Variants in MYO1E observed in about 807,000 individuals in gnomAD.
MYO1E encodes unconventional myosin-Ie.
MYO1E carries 68 observed loss-of-function variants against 151.1 expected under a neutral mutation model. The ratio of observed to expected loss-of-function variants is 0.45; its 90% confidence interval spans 0.37 to 0.55. The LOEUF (loss-of-function observed/expected upper bound fraction) is 0.55, where lower values mean the gene tolerates loss of function less well. Among genes scored for constraint, MYO1E ranks in the 20% least tolerant of loss-of-function variants. MYO1E has a pLI of 0.00. For synonymous variants in MYO1E, 601 were observed against 501.7 expected, an observed-to-expected ratio of 1.20 and a Z score of -2.64; for missense variants, 1,363 against 1,389.3, an observed-to-expected ratio of 0.98 and a Z score of 0.30.
chr15:59,289,249 A>C (rs1223020175), intron 1 of MYO1E, among the ~76,000 whole-genome samples: 1 of 152,160 alleles, frequency 6.6e-6, no homozygotes, highest in Non-Finnish European at 1.5e-5. Context: ...CTGGGAAGAA[A>C]AATAAGGCAC....
intron 1 of MYO1E, among the ~76,000 whole-genome samples, chr15:59,319,148 C>G (rs2080608461): frequency 6.6e-6 from 1 of 151,418 alleles, no homozygotes; most frequent in Non-Finnish European, 1.5e-5. Flanking sequence ...CCATCTTTAC[C>G]AAAAATACAA....
intron 5 of MYO1E, among the ~76,000 whole-genome samples, chr15:59,233,852 A>G (rs915564258): frequency 1.1e-4 from 17 of 150,250 alleles, no homozygotes; most frequent in Non-Finnish European, 2.5e-4. Context: ...ACTGAGGTGT[A>G]ACTGTAGAAT....
chr15:59,218,089 T>A lies in MYO1E; in HGVS notation c.911-2A>T, dbSNP rs1417660498. 1 of 1,614,042 alleles carries A rather than the reference T, an allele frequency of 6.2e-7. No individual in the cohort carries two copies. ...GCAGATATGCAGGAAAAGCTAAAACTGTAGAACATAAAACAAAACATGACA... is the reference window on the plus strand; with the variant it reads ...GCAGATATGCAGGAAAAGCTAAAACAGTAGAACATAAAACAAAACATGACA... On this transcript the variant is annotated splice_acceptor_variant, in intron 9 of 27. Coordinates refer to ENST00000288235, the MANE Select transcript of MYO1E (RefSeq NM_004998.4). LOFTEE classifies it high-confidence loss of function.
intron 1 of MYO1E, among the ~76,000 whole-genome samples, chr15:59,334,459 C>A (rs957767507): frequency 7.4e-6 from 1 of 135,424 alleles, no homozygotes. Flanking sequence ...CTACTTTGTA[C>A]GCATATGTTG....
chr15:59,364,123 T>C (rs1274697034), intron 1 of MYO1E, among the ~76,000 whole-genome samples: 2 of 152,180 alleles, frequency 1.3e-5, no homozygotes, highest in African/African-American at 4.8e-5. Context: ...CATGGCAATG[T>C]CTTCTCTCCA....
chr15:59,249,329 G>A (rs1344960408), intron 4 of MYO1E, among the ~76,000 whole-genome samples: 1 of 150,854 alleles, frequency 6.6e-6, no homozygotes, highest in Non-Finnish European at 1.5e-5. Flanking sequence ...GAAGGCTGAG[G>A]CAAGAAAATC....
intron 26 of MYO1E, among the ~76,000 whole-genome samples, chr15:59,147,427 C>A (rs937960627): frequency 3.3e-5 from 5 of 151,910 alleles, no homozygotes; most frequent in African/African-American, 1.2e-4. Flanking sequence ...TGGCGAAACC[C>A]CGTCCCTACT....
intron 14 of MYO1E, chr15:59,206,602 G>A: frequency 3.7e-6 from 1 of 272,630 alleles, no homozygotes; most frequent in Non-Finnish European, 6.9e-6. Context: ...ACAGAAGCAT[G>A]TTTCCTCAGC....
intron 1 of MYO1E, among the ~76,000 whole-genome samples, chr15:59,298,537 A>G (rs2080464596): frequency 6.6e-6 from 1 of 152,194 alleles, no homozygotes; most frequent in Non-Finnish European, 1.5e-5. Context: ...GTCTGTCCAT[A>G]TGCAAAGCTG....
At chr15:59,146,766 G>C (rs2079444247) in intron 26 of MYO1E, among the ~76,000 whole-genome samples, 1 of 149,908 alleles carries the variant, frequency 6.7e-6, no homozygotes, top group African/African-American at 2.4e-5. Context: ...TTAATATATG[G>C]TTATAAAACT....
chr15:59,177,696 G>A (rs148123132), intron 19 of MYO1E, among the ~76,000 whole-genome samples: 2 of 152,332 alleles, frequency 1.3e-5, no homozygotes, highest in African/African-American at 4.8e-5. Flanking sequence ...GGGGCTCACT[G>A]ACCACACTCT....
At chr15:59,254,825 C>T (rs1391501175) in intron 4 of MYO1E, among the ~76,000 whole-genome samples, 1 of 151,520 alleles carries the variant, frequency 6.6e-6, no homozygotes, top group Non-Finnish European at 1.5e-5. Flanking sequence ...CAATAGTAAG[C>T]AGAGCTTTTT....
At chr15:59,216,681 T>TAC (rs1268512999) in intron 10 of MYO1E, among the ~76,000 whole-genome samples, 3 of 27,384 alleles carry the variant, frequency 1.1e-4, no homozygotes, top group African/African-American at 2.6e-4. Flanking sequence ...TATATATATA[T>TAC]ATATACACAT....
Position 59,178,463 on chromosome 15 carries a change from TGCA to T in MYO1E, c.1976_1978del (p.Leu659del), listed in dbSNP as rs2079638745. 2 of 1,614,092 alleles carry T rather than the reference TGCA, an allele frequency of 1.2e-6. No individual in the cohort carries two copies. The highest frequency in any genetic ancestry group is 2.7e-5 in the African/African-American group (2 of 74,928). On this transcript the variant is annotated inframe_deletion, in exon 19 of 28. Coordinates refer to ENST00000288235, the MANE Select transcript of MYO1E (RefSeq NM_004998.4). ...CTGGTCGCTGTCCATGTTGACCGAC[TGCA>T]GCAGGTGCAGGACGCCTTGCTTCTC... is the stretch of plus-strand genomic sequence containing the variant.
At chr15:59,346,411 T>C (rs1480395371) in intron 1 of MYO1E, among the ~76,000 whole-genome samples, 2 of 152,182 alleles carry the variant, frequency 1.3e-5, no homozygotes, top group Non-Finnish European at 2.9e-5. Flanking sequence ...TTTTGTCTCA[T>C]GTTTTTGAAG....
chr15:59,207,184 A>G lies in MYO1E; in HGVS notation c.1530+1497T>C, dbSNP rs141146628. 9.9e-6 allele frequency: 16 copies of G among 1,614,118 alleles called. No homozygotes were observed. The highest frequency in any genetic ancestry group is 5.0e-5 in the Admixed American group (3 of 60,014). On this transcript the variant is annotated intron_variant, in intron 14 of 27. Transcript: ENST00000288235. The stretch of plus-strand genomic sequence containing the variant: ...CATCATAGGAACTGGATCGGTGGGC[A>G]TGGCCTGCGCTATCAGCATCTTATT...
chr15:59,224,648 T>G lies in MYO1E; in HGVS notation c.777+41A>C, dbSNP rs371368875. 3.7e-5 allele frequency: 60 copies of G among 1,613,564 alleles called. No homozygotes were observed. In the African/African-American group the frequency reaches 7.3e-4, roughly 20 times the overall value. ...CCTTTTGGCCACAGGAAATGGCCAG[T>G]TGGGAGAGCAGATCCTGCCTGGCCC... On this transcript the variant is annotated intron_variant, in intron 8 of 27. Transcript: ENST00000288235.
intron 5 of MYO1E, among the ~76,000 whole-genome samples, chr15:59,232,625 T>A (rs549710885): frequency 2.6e-5 from 4 of 152,360 alleles, no homozygotes; most frequent in East Asian, 3.9e-4. Flanking sequence ...ATTATTCACA[T>A]GCTATGGTTA....
chr15:59,354,674 A>C, intron 1 of MYO1E, among the ~76,000 whole-genome samples: 1 of 152,190 alleles, frequency 6.6e-6, no homozygotes. Context: ...GAGCTTTTGA[A>C]CGGATAGTGG....
Sources: gnomAD v4.1 joint callset for allele counts (sites outside exome capture counted in the v4.1 genomes callset) on GRCh38, gnomAD v4.1.1 for gene constraint, MANE v1.5 for transcripts, NCBI Gene and HGNC (gene_info 2026-07-23, HGNC 2026-07-21) for gene names.